The following MEI4 variants were observed in gnomAD, a reference collection of about 807,000 sequenced individuals.
MEI4 encodes meiotic double-stranded break formation protein 4, also known as meiosis-specific protein MEI4.
MEI4 carries 27 observed loss-of-function variants against 31.4 expected under a neutral mutation model. The observed-to-expected ratio is 0.86, with a 90% CI of 0.63 to 1.19. The LOEUF (loss-of-function observed/expected upper bound fraction) is 1.19. MEI4 is among the 50% of genes most tolerant of loss of function. MEI4 has a pLI of 0.00. For synonymous variants in MEI4, 122 were observed against 145.4 expected (o/e 0.84, Z 1.16); for missense variants, 329 against 398.9 (o/e 0.82, Z 1.49).
chr6:77,659,705 T>C (rs1768466031), intron 1 of MEI4, among the ~76,000 whole-genome samples: 1 of 152,142 alleles, frequency 6.6e-6, no homozygotes, highest in East Asian at 1.9e-4. Flanking sequence ...TTACTGCTAA[T>C]GTTTTTAAGT....
intron 4 of MEI4, among the ~76,000 whole-genome samples, chr6:77,836,190 A>G (rs1323360523): frequency 6.6e-6 from 1 of 152,102 alleles, no homozygotes; most frequent in East Asian, 1.9e-4. Flanking sequence ...ATGAATCGTT[A>G]ATTTTTAAGT....
rs200403979 is a variant in MEI4 at position 77,695,912 on chromosome 6, T to C, written c.232+5009T>C. Among the ~76,000 whole-genome samples the C allele has an allele frequency of 1.8e-4, 28 of 152,282 alleles. No homozygotes were observed. The East Asian group carries it at 4.3e-3, about 23-fold the overall frequency. On this transcript the variant is annotated intron_variant, in intron 2 of 4. Transcript: ENST00000684080. ...TACCCATGAGCATGGAATGGTCTTC[T>C]ATTTGTTTGTGTCCTCTTTTACTTC...
intron 2 of MEI4, among the ~76,000 whole-genome samples, chr6:77,719,088 C>T (rs1766654194): frequency 7.2e-6 from 1 of 139,360 alleles, no homozygotes; most frequent in Non-Finnish European, 1.6e-5. Flanking sequence ...TCGCTATCAA[C>T]AGCTGGACTC....
intron 3 of MEI4, among the ~76,000 whole-genome samples, chr6:77,809,112 A>G (rs1253381935): frequency 6.6e-6 from 1 of 152,220 alleles, no homozygotes; most frequent in South Asian, 2.1e-4. Flanking sequence ...TTAGAGGAGT[A>G]TATTTAAGTG....
chr6:77,781,066 T>A (rs987385958), intron 3 of MEI4, among the ~76,000 whole-genome samples: 25 of 151,992 alleles, frequency 1.6e-4, no homozygotes, highest in African/African-American at 7.2e-5. Flanking sequence ...TTTAAAACAT[T>A]TTTTTGTTTT....
chr6:77,705,508 A>G (rs1766312376), intron 2 of MEI4, among the ~76,000 whole-genome samples: 1 of 152,236 alleles, frequency 6.6e-6, no homozygotes. Context: ...TAAAATAGTA[A>G]TCTTGATATA....
intron 4 of MEI4, among the ~76,000 whole-genome samples, chr6:77,917,545 G>A (rs1193615456): frequency 7.4e-6 from 1 of 136,054 alleles, no homozygotes; most frequent in Admixed American, 7.7e-5. Flanking sequence ...TTTTTCATGT[G>A]TTTTTTGGCT....
chr6:77,764,750 C>G (rs1222463051), intron 3 of MEI4, among the ~76,000 whole-genome samples: 1 of 152,146 alleles, frequency 6.6e-6, no homozygotes, highest in Non-Finnish European at 1.5e-5. Flanking sequence ...CAAAAGCTTT[C>G]TAGATGTTTC....
intron 4 of MEI4, among the ~76,000 whole-genome samples, chr6:77,829,319 G>A (rs9359296): frequency 0.23 from 34,215 of 152,046 alleles, 4,779 homozygotes; most frequent in African/African-American, 0.4. Flanking sequence ...GCAAAAGAGT[G>A]CTTAGATGAA....
intron 4 of MEI4, among the ~76,000 whole-genome samples, chr6:77,832,580 TTTATG>T (rs1462577079): frequency 2.6e-5 from 4 of 152,056 alleles, no homozygotes; most frequent in African/African-American, 7.2e-5. Context: ...TAATTTTAAT[TTTATG>T]TTATGTCATT....
chr6:77,681,631 C>A (rs1051712852), intron 1 of MEI4, among the ~76,000 whole-genome samples: 2 of 152,110 alleles, frequency 1.3e-5, no homozygotes, highest in African/African-American at 4.8e-5. Flanking sequence ...ATCCAGAGAT[C>A]ATTCCTGTGA....
chr6:77,866,604 A>T (rs1294202616), intron 4 of MEI4, among the ~76,000 whole-genome samples: 1 of 152,234 alleles, frequency 6.6e-6, no homozygotes, highest in East Asian at 1.9e-4. Context: ...AAAACATTCC[A>T]TGCTCATGGG....
chr6:77,712,079 A>T (rs555696403), intron 2 of MEI4, among the ~76,000 whole-genome samples: 1 of 152,292 alleles, frequency 6.6e-6, no homozygotes, highest in East Asian at 1.9e-4. Context: ...TATTATTGGC[A>T]GTACGCTGAA....
At chr6:77,853,424 A>C (rs976098361) in intron 4 of MEI4, among the ~76,000 whole-genome samples, 1 of 152,216 alleles carries the variant, frequency 6.6e-6, no homozygotes, top group Admixed American at 6.5e-5. Context: ...AGCAAAAACA[A>C]AAGTGCTATG....
At chr6:77,696,254 A>C (rs1333921826) in intron 2 of MEI4, among the ~76,000 whole-genome samples, 1 of 152,072 alleles carries the variant, frequency 6.6e-6, no homozygotes, top group Non-Finnish European at 1.5e-5. Context: ...AATACCCTTT[A>C]TTTCCTTCTC....
intron 3 of MEI4, among the ~76,000 whole-genome samples, chr6:77,773,888 A>G (rs998321490): frequency 1.3e-5 from 2 of 152,114 alleles, no homozygotes; most frequent in African/African-American, 4.8e-5. Context: ...AAGAAATACA[A>G]ATGGCAAACA....
intron 2 of MEI4, among the ~76,000 whole-genome samples, chr6:77,711,021 TC>T (rs1221266387): frequency 1.3e-5 from 2 of 152,220 alleles, no homozygotes; most frequent in African/African-American, 4.8e-5. Context: ...ATTTTCTACT[TC>T]TATGAGATCA....
chr6:77,713,577 G>C (rs1015641689), intron 2 of MEI4, among the ~76,000 whole-genome samples: 8 of 152,188 alleles, frequency 5.3e-5, no homozygotes, highest in African/African-American at 1.9e-4. Flanking sequence ...AATCAAAAGT[G>C]AAAGATCCTC....
At chr6:77,733,283 T>G (rs1428350126) in intron 2 of MEI4, among the ~76,000 whole-genome samples, 6 of 152,192 alleles carry the variant, frequency 3.9e-5, no homozygotes, top group East Asian at 1.9e-4. Context: ...GGTAAGCTAT[T>G]GATTACTGCC....
Sources: gnomAD v4.1 joint callset for allele counts (sites outside exome capture counted in the v4.1 genomes callset) on GRCh38, gnomAD v4.1.1 for gene constraint, MANE v1.5 for transcripts, NCBI Gene and HGNC (gene_info 2026-07-23, HGNC 2026-07-21) for gene names.